The following ARFGAP2 variants were observed in gnomAD, a reference collection of about 807,000 sequenced individuals.
ARFGAP2 encodes ARF GTPase activating protein 2, also known as ADP-ribosylation factor GTPase-activating protein 2.
Under a neutral mutation model 71.9 loss-of-function variants are expected in ARFGAP2, and 45 were observed. The ratio of observed to expected loss-of-function variants is 0.63; its 90% CI spans 0.49 to 0.80. ARFGAP2 has a LOEUF of 0.80. Among genes scored for constraint, ARFGAP2 ranks in the 30% least tolerant of loss-of-function variants. The pLI, the probability that ARFGAP2 is intolerant of heterozygous loss-of-function variation, is 0.00. For missense variants in ARFGAP2, 633 were observed against 673.9 expected, an observed-to-expected ratio of 0.94 and a Z score of 0.67; for synonymous variants, 248 against 249.2, an observed-to-expected ratio of 1.00 and a Z score of 0.05.
intron 5 of ARFGAP2, chr11:47,174,531 G>A (rs1461322332): frequency 6.2e-6 from 1 of 161,062 alleles, no homozygotes; most frequent in South Asian, 1.6e-4. Context: ...AAGTAGCTGG[G>A]ACTACAGGCG....
Position 47,166,524 on chromosome 11 carries a change from C to G in ARFGAP2, c.1408G>C (p.Asp470His). The G allele has an allele frequency of 6.2e-7, 1 of 1,612,826 alleles. No individual in the cohort carries two copies. ...ISSSDLFGDM[D>H]GAHGAGSVSL... ...GCCCTACCTGCTCCGTGAGCTCCAT[C>G]CATGTCCCCAAAGAGGTCTGAAGAG... Residue 470 changes from aspartate (D) to histidine (H), a missense_variant, in exon 14 of 16, where the codon GAT becomes CAT. Physicochemically the swap from Asp to His is moderately conservative, Grantham distance 81 (BLOSUM62 -1). Transcript: ENST00000524782.
At position 47,171,469 on chromosome 11, in the gene ARFGAP2, GCTT is replaced by G. The variant is rs1219237839; in HGVS notation, c.895_897del (p.Lys299del). The G allele has an allele frequency of 6.2e-7, 1 of 1,614,144 alleles. No homozygotes were observed. The highest frequency in any genetic ancestry group is 8.5e-7 in the Non-Finnish European group (1 of 1,180,028). On this transcript the variant is annotated inframe_deletion, in exon 10 of 16. Coordinates refer to ENST00000524782, the MANE Select transcript of ARFGAP2 (RefSeq NM_032389.6). The stretch of plus-strand genomic sequence containing the variant: ...ATGCCCAACCTTTCTGCCTGCTCTC[GCTT>G]CTTCCCTTCCAGATTCTGTAGCTTC...
At chr11:47,174,860 T>C (rs529142974) in intron 5 of ARFGAP2, 155 bp downstream of exon 5, 70 of 776,742 alleles carry the variant, frequency 9.0e-5, no homozygotes, top group Admixed American at 2.0e-4. Flanking sequence ...AGGAAACACC[T>C]AGGCCTACCC....
At position 47,175,927 on chromosome 11, in the gene ARFGAP2, T is replaced by C. The variant is rs538634037; in HGVS notation, c.192-4A>G. On this transcript the variant is annotated splice_polypyrimidine_tract_variant and splice_region_variant and intron_variant, in intron 2 of 15. Coordinates refer to ENST00000524782, the MANE Select transcript of ARFGAP2 (RefSeq NM_032389.6). ...GTTGGAATCCAACTCTGTGGACCTGTGTACAAGGGCTGCGTCTCACCCACT... is the reference window on the plus strand; with the variant it reads ...GTTGGAATCCAACTCTGTGGACCTGCGTACAAGGGCTGCGTCTCACCCACT... 281 of 1,614,008 alleles carry C rather than the reference T, an allele frequency of 1.7e-4. No homozygotes were observed. In the South Asian group the frequency reaches 2.9e-3, roughly 17 times the overall value.
At chr11:47,173,534 T>TC in intron 6 of ARFGAP2, 52 bp from the exon 7 acceptor site, 2 of 1,512,940 alleles carry the variant, frequency 1.3e-6, no homozygotes, top group Non-Finnish European at 1.8e-6. Context: ...TCCTGCAACC[T>TC]CCCCTTGAAA....
At chr11:47,176,047 C>T (rs1952801762) in intron 2 of ARFGAP2, 124 bp from the exon 3 acceptor site, 3 of 858,022 alleles carry the variant, frequency 3.5e-6, no homozygotes, top group African/African-American at 3.3e-5. Flanking sequence ...CAGCCATCAC[C>T]CCATTTCCTC....
Position 47,175,079 on chromosome 11 carries a change from C to A in ARFGAP2, c.416G>T (p.Ser139Ile), listed in dbSNP as rs755131514. The A allele has an allele frequency of 6.2e-7, 1 of 1,614,162 alleles. No individual in the cohort carries two copies. The highest frequency in any genetic ancestry group is 2.2e-5 in the East Asian group (1 of 44,882). Residue 139 changes from serine to isoleucine, a missense_variant, in exon 5 of 16, where the codon AGT (serine) becomes ATT (isoleucine). Coordinates refer to ENST00000524782, the MANE Select transcript of ARFGAP2 (RefSeq NM_032389.6). ...HGTDLWIDNM[S>I]SAVPNHSPEK... Reference sequence around the variant, plus strand: ...TGGGGAGTGATTAGGAACGGCACTACTCATGTTGTCTATCCAAAGCTAGAA... The same window carrying A: ...TGGGGAGTGATTAGGAACGGCACTAATCATGTTGTCTATCCAAAGCTAGAA...
At chr11:47,167,041 T>C (rs3740690) in intron 12 of ARFGAP2, among the ~76,000 whole-genome samples, 155 bp from the exon 13 acceptor site, 51,378 of 152,068 alleles carry the variant, frequency 0.34, 10,381 homozygotes, top group Non-Finnish European at 0.44. Flanking sequence ...TCTCCCCTGG[T>C]GAGGAGTCAC....
chr11:47,175,873 T>G lies in ARFGAP2; in HGVS notation c.242A>C (p.Gln81Pro), dbSNP rs996013809. ...TACCGCATTGGCATTCCCGCCGACC[T>G]GCATACACCTCAGCTGGAACCAGTT... is the stretch of plus-strand genomic sequence containing the variant. ...NWNWFQLRCMQVGGNANATAF... is the reference protein window; with the variant it reads ...NWNWFQLRCMPVGGNANATAF... The change falls in exon 3 of 16, where the codon CAG becomes CCG. Residue 81 changes from glutamine to proline, a missense_variant. Transcript: ENST00000524782. 6.2e-7 allele frequency: 1 copy of G among 1,614,176 alleles called. No individual in the cohort carries two copies. Among genetic ancestry groups the G allele is most frequent in the Non-Finnish European group, 8.5e-7 (1 of 1,180,026 alleles).
intron 13 of ARFGAP2, 69 bp from the exon 14 acceptor site, chr11:47,166,668 C>T: frequency 6.2e-7 from 1 of 1,601,200 alleles, no homozygotes; most frequent in African/African-American, 1.3e-5. Context: ...ACAGGCCAGG[C>T]CCTCCTGGTG....
chr11:47,166,798 A>G lies in ARFGAP2; in HGVS notation c.1294T>C (p.Ser432Pro). The change falls in exon 13 of 16, where the codon TCA (serine) becomes CCA (proline). Residue 432 changes from serine (S) to proline (P), a missense_variant. Physicochemically the swap from Ser to Pro is moderately conservative, Grantham distance 74 (BLOSUM62 -1). Coordinates refer to ENST00000524782, the MANE Select transcript of ARFGAP2 (RefSeq NM_032389.6). The stretch of plus-strand genomic sequence containing the variant: ...TCCCGCCCAAAGAACATGTCAGATG[A>G]GATGGCTTTGGCTCCTGCGAATTTC... ...RQKFAGAKAISSDMFFGREVD... is the reference protein window; with the variant it reads ...RQKFAGAKAIPSDMFFGREVD... 6.2e-7 allele frequency: 1 copy of G among 1,614,136 alleles called. No homozygotes were observed. The highest frequency in any genetic ancestry group is 8.5e-7 in the Non-Finnish European group (1 of 1,180,050).
intron 5 of ARFGAP2, 28 bp downstream of exon 5, chr11:47,174,987 G>A: frequency 1.2e-6 from 2 of 1,611,708 alleles, no homozygotes; most frequent in Admixed American, 1.7e-5. Flanking sequence ...AAGAACAACT[G>A]GGAAAACGGT....
At chr11:47,172,363 A>G (rs1952637582) in intron 7 of ARFGAP2, 30 bp from the exon 8 acceptor site, 1 of 1,612,884 alleles carries the variant, frequency 6.2e-7, no homozygotes, top group African/African-American at 1.3e-5. Context: ...GCATGAGCTA[A>G]GACAAAGGCA....
intron 10 of ARFGAP2, among the ~76,000 whole-genome samples, chr11:47,169,985 T>C (rs1008741322): frequency 2.6e-5 from 4 of 152,190 alleles, no homozygotes; most frequent in Non-Finnish European, 5.9e-5. Context: ...AGACCCAATG[T>C]CCTTTCAAGT....
chr11:47,173,903 G>T, intron 5 of ARFGAP2, 63 bp from the exon 6 acceptor site: 1 of 1,551,090 alleles, frequency 6.4e-7, no homozygotes, highest in Admixed American at 1.9e-5. Flanking sequence ...GAAGCACCAA[G>T]ACCTACAAGC....
chr11:47,166,449 C>T, intron 14 of ARFGAP2, 57 bp downstream of exon 14: 1 of 1,610,828 alleles, frequency 6.2e-7, no homozygotes, highest in African/African-American at 1.3e-5. Context: ...CACAGCAGGG[C>T]CCTCCCGCCC....
chr11:47,166,933 G>A, intron 12 of ARFGAP2, 47 bp from the exon 13 acceptor site: 1 of 1,592,486 alleles, frequency 6.3e-7, no homozygotes. Context: ...ATTATCATCA[G>A]GGGAGGCAGA....
At chr11:47,171,621 C>A (rs1952603205) in intron 9 of ARFGAP2, 43 bp downstream of exon 9, 1 of 1,613,666 alleles carries the variant, frequency 6.2e-7, no homozygotes, top group African/African-American at 1.3e-5. Flanking sequence ...TACCCACCCA[C>A]CAAGCCCCGC....
rs1952640271 is a variant in ARFGAP2, at chr11:47,172,389, C to T, written c.620-56G>A. On this transcript the variant is annotated intron_variant, in intron 7 of 15. Transcript: ENST00000524782. ...GACAAAGGCAGCTCAGAGGCAGTAGCTCAGTATACACCATGCAGCTTCATG... is the reference window on the plus strand; with the variant it reads ...GACAAAGGCAGCTCAGAGGCAGTAGTTCAGTATACACCATGCAGCTTCATG... The T allele has an allele frequency of 4.4e-6, 7 of 1,579,214 alleles. No homozygotes were observed. The South Asian group carries it at 5.5e-5, about 12-fold the overall frequency.
Sources: allele counts gnomAD v4.1 joint callset (sites outside exome capture counted in the v4.1 genomes callset), GRCh38; gene constraint gnomAD v4.1.1; transcripts MANE v1.5; gene names NCBI Gene and HGNC (gene_info 2026-07-23, HGNC 2026-07-21).